Variants in TSNARE1 observed in about 807,000 individuals in gnomAD.
TSNARE1 encodes t-SNARE domain containing 1.
Under a neutral mutation model 62.0 loss-of-function variants are expected in TSNARE1, and 49 were observed. That is an observed-to-expected ratio of 0.79 (90% CI 0.63 to 1.00). The LOEUF (loss-of-function observed/expected upper bound fraction) is 1.00, where lower values mean the gene tolerates loss of function less well. TSNARE1 is among the 50% of genes least tolerant of loss of function. The probability of loss-of-function intolerance (pLI) is 0.00; values close to 1 mark genes in which losing one functional copy is unlikely to be tolerated. For synonymous variants in TSNARE1, 328 were observed against 294.4 expected (o/e 1.11, Z -1.17); for missense variants, 755 against 700.1 (o/e 1.08, Z -0.88).
intron 9 of TSNARE1, among the ~76,000 whole-genome samples, chr8:142,306,957 C>A (rs1302534810): frequency 2.0e-5 from 3 of 152,238 alleles, no homozygotes; most frequent in Admixed American, 2.0e-4. Flanking sequence ...CCCTCCAGCA[C>A]CTGTCATCCC....
chr8:142,349,012 TG>T (rs1023905171), intron 2 of TSNARE1, among the ~76,000 whole-genome samples: 28 of 152,306 alleles, frequency 1.8e-4, no homozygotes, highest in African/African-American at 6.3e-4. Flanking sequence ...CCAGCCTGCC[TG>T]GAAGGCCTTG....
chr8:142,314,907 A>T, intron 8 of TSNARE1, 96 bp downstream of exon 8: 3 of 1,189,672 alleles, frequency 2.5e-6, no homozygotes, highest in South Asian at 2.5e-5. Context: ...GGGCTGCACC[A>T]GGCCCACAGG....
rs553109651 is a variant in TSNARE1 at position 142,291,796 on chromosome 8, C to A, written c.1291-7311G>T. 6.6e-6 allele frequency among the ~76,000 whole-genome samples: 1 copy of A among 152,148 alleles called. No individual in the cohort carries two copies. Among genetic ancestry groups the A allele is most frequent in the African/African-American group, 2.4e-5 (1 of 41,524 alleles). ...AGTGAAAGGGAGCCAGCGGCTCAGG[C>A]GTCAGGCATAGGGTGCTCTGGGCCT... On this transcript the variant is annotated intron_variant, in intron 10 of 13. Coordinates refer to ENST00000524325, the MANE Select transcript of TSNARE1 (RefSeq NM_145003.5). The surrounding 1 kb of genome is among the most constrained non-coding windows in gnomAD (Gnocchi z 4.8).
upstream of TSNARE1, chr8:142,403,566 A>G (rs1838466992): frequency 6.6e-6 from 1 of 152,080 alleles, no homozygotes; most frequent in Admixed American, 6.5e-5. Flanking sequence ...GGTCTCGGCC[A>G]GGGCAGGGCC....
chr8:142,288,754 G>C (rs951766388), intron 10 of TSNARE1, among the ~76,000 whole-genome samples: 1 of 152,266 alleles, frequency 6.6e-6, no homozygotes, highest in African/African-American at 2.4e-5. Flanking sequence ...CAGCAGAGAA[G>C]CAGCAGGAGC....
Position 142,242,970 on chromosome 8 carries a change from A to AAG in TSNARE1, c.1447-13392_1447-13391insCT, listed in dbSNP as rs58552964. Among the ~76,000 whole-genome samples the AAG allele has an allele frequency of 8.0e-3, 1,202 of 149,640 alleles. 20 individuals are homozygous for AAG. The highest frequency in any genetic ancestry group is 0.028 in the African/African-American group (1,125 of 39,788). On this transcript the variant is annotated intron_variant, in intron 12 of 13. Transcript: ENST00000524325. ...CTCAAAAAAAAAAAAAAAAAAAAAA[A>AAG]GCTAACAGATATATGACAAGGTGCT...
intron 6 of TSNARE1, among the ~76,000 whole-genome samples, chr8:142,322,553 G>A (rs370950181): frequency 5.7e-4 from 87 of 152,356 alleles, no homozygotes; most frequent in African/African-American, 1.9e-3. Context: ...ACTAATCAGC[G>A]AGTGAATCTA....
At chr8:142,275,383 C>A (rs964023978) in intron 11 of TSNARE1, 2 of 985,270 alleles carry the variant, frequency 2.0e-6, no homozygotes, top group South Asian at 4.7e-5. Flanking sequence ...GTTGTGCTGC[C>A]GTGCGGGGAT....
rs529872582 is a variant in TSNARE1, at chr8:142,212,902, C to T, written c.*12-589G>A. 2.7e-3 allele frequency among the ~76,000 whole-genome samples: 330 copies of T among 121,692 alleles called. 3 individuals are homozygous for T. Among genetic ancestry groups the T allele is most frequent in the South Asian group, 0.015 (44 of 2,970 alleles). The allele number at this position is 121,692 out of a possible 152,430, so 79.8% of individuals were successfully genotyped here. The stretch of plus-strand genomic sequence containing the variant: ...TTCCTCCCCTTCCCTCTCTCCTGCC[C>T]GGTCCCTCTCTTCCCTCCCTCCCCC... On this transcript the variant is annotated intron_variant, in intron 13 of 13. Coordinates refer to ENST00000524325, the MANE Select transcript of TSNARE1 (RefSeq NM_145003.5).
intron 9 of TSNARE1, among the ~76,000 whole-genome samples, chr8:142,302,212 GC>G (rs1825903214): frequency 6.6e-6 from 1 of 151,768 alleles, no homozygotes; most frequent in East Asian, 1.9e-4. Flanking sequence ...CCTCAGCCCT[GC>G]CCCCAGATCC....
chr8:142,244,534 G>A (rs564829600), intron 12 of TSNARE1, among the ~76,000 whole-genome samples: 1 of 152,340 alleles, frequency 6.6e-6, no homozygotes, highest in African/African-American at 2.4e-5. Context: ...GTGAGGATAA[G>A]ACTGACCACA....
chr8:142,215,140 C>T (rs930498893), intron 13 of TSNARE1, among the ~76,000 whole-genome samples: 9 of 152,204 alleles, frequency 5.9e-5, no homozygotes, highest in African/African-American at 2.2e-4. Flanking sequence ...CGCACGGACA[C>T]CATGAATGCG....
At chr8:142,275,393 T>A in intron 11 of TSNARE1, 1 of 985,238 alleles carries the variant, frequency 1.0e-6, no homozygotes, top group Non-Finnish European at 1.2e-6. Context: ...CGTGCGGGGA[T>A]CACGGGAGAT....
chr8:142,225,426 TCCCTCCCCTAA>T (rs1816727896), intron 13 of TSNARE1, among the ~76,000 whole-genome samples: 1 of 140,404 alleles, frequency 7.1e-6, no homozygotes, highest in South Asian at 2.4e-4. Context: ...AACCCTCCCC[TCCCTCCCCTAA>T]CCCTCCCCTG....
intron 1 of TSNARE1, among the ~76,000 whole-genome samples, chr8:142,382,572 G>A (rs578208908): frequency 6.6e-6 from 1 of 152,284 alleles, no homozygotes; most frequent in South Asian, 2.1e-4. Flanking sequence ...TGTGCCCTCA[G>A]GCAGGGACCT....
At position 142,271,499 on chromosome 8, in the gene TSNARE1, G is replaced by A. The variant is rs1018697720; in HGVS notation, c.1446+3282C>T. On this transcript the variant is annotated intron_variant, in intron 12 of 13. Coordinates refer to ENST00000524325, the MANE Select transcript of TSNARE1 (RefSeq NM_145003.5). ...GGGAGGTGCTGGCGCCGAAGAGGGC[G>A]GGGAAGGCTGGAAGGCCCCCATGAG... 21 of 1,329,094 alleles carry A rather than the reference G, an allele frequency of 1.6e-5. No individual in the cohort carries two copies. In the Admixed American group the frequency reaches 3.0e-4, roughly 19 times the overall value. 82.3% of individuals were successfully genotyped at this position (1,329,094 alleles called of 1,614,324 possible).
chr8:142,395,056 C>A (rs545245352), intron 1 of TSNARE1, among the ~76,000 whole-genome samples: 2 of 152,304 alleles, frequency 1.3e-5, no homozygotes, highest in Admixed American at 6.5e-5. Flanking sequence ...CTGTTCCTGT[C>A]CCCCACCACT....
chr8:142,227,716 G>A (rs1345812529), intron 13 of TSNARE1, among the ~76,000 whole-genome samples: 2 of 152,282 alleles, frequency 1.3e-5, no homozygotes, highest in Admixed American at 6.5e-5. Context: ...CCCCAGGGAT[G>A]CGAAACAACA....
rs151074727 is a variant in TSNARE1, at chr8:142,284,439, A to G, written c.1337T>C (p.Met446Thr). ...AACAGCTTCTCCTTGCTCTGACACC[A>G]TGGAGGCCAAGTCCTTGATGATCTG... ...VNQIIKDLAS[M>T]VSEQGEAVDS... The change falls in exon 11 of 14, where the codon ATG becomes ACG. Residue 446 changes from methionine (M) to threonine (T), a missense_variant. Physicochemically the swap from Met to Thr is moderately conservative, Grantham distance 81 (BLOSUM62 -1). Coordinates refer to ENST00000524325, the MANE Select transcript of TSNARE1 (RefSeq NM_145003.5). 87 of 1,613,704 alleles carry G rather than the reference A, an allele frequency of 5.4e-5. No homozygotes were observed. The African/African-American group carries it at 1.1e-3, about 21-fold the overall frequency.
Sources: allele counts gnomAD v4.1 joint callset (sites outside exome capture counted in the v4.1 genomes callset), GRCh38; gene constraint gnomAD v4.1.1; non-coding constraint Gnocchi (gnomAD v3.1); transcripts MANE v1.5; gene names NCBI Gene and HGNC (gene_info 2026-07-23, HGNC 2026-07-21).